CORO2B: variants seen among roughly 807,000 people sequenced by gnomAD.
The protein encoded by CORO2B is coronin-2B.
Under a neutral mutation model 58.8 loss-of-function variants are expected in CORO2B, and 26 were observed. That is an observed-to-expected ratio of 0.44 (90% CI 0.32 to 0.61). The LOEUF is 0.61. CORO2B is among the 20% of genes least tolerant of loss of function. The probability of loss-of-function intolerance (pLI) is 0.04; values close to 1 mark genes in which losing one functional copy is unlikely to be tolerated. For synonymous variants in CORO2B, 242 were observed against 253.8 expected, an observed-to-expected ratio of 0.95 and a Z score of 0.44; for missense variants, 460 against 645.1, an observed-to-expected ratio of 0.71 and a Z score of 3.11.
chr15:68,714,605 C>G lies in CORO2B; in HGVS notation c.812C>G (p.Ser271Cys). The G allele has an allele frequency of 6.2e-7, 1 of 1,614,156 alleles. No individual in the cohort carries two copies. Among genetic ancestry groups the G allele is most frequent in the Non-Finnish European group, 8.5e-7 (1 of 1,180,018 alleles). The stretch of plus-strand genomic sequence containing the variant: ...ATCGAAGAGGAAATTGATGGGCTCT[C>G]TGGCCTCCTGTTCCCCTTCTATGAT... ...PLIEEEIDGL[S>C]GLLFPFYDAD... Residue 271 changes from serine (S) to cysteine (C), a missense_variant, in exon 7 of 12, where the codon TCT becomes TGT. By Grantham distance (112) the Ser-to-Cys change is moderately radical. Around this residue, in one of 2 missense-constraint regions of CORO2B, gnomAD observed 352 missense variants for 543.0 expected, o/e 0.65. Coordinates refer to ENST00000261861, the MANE Select transcript of CORO2B (RefSeq NM_006091.5).
the CORO2B span, among the ~76,000 whole-genome samples, chr15:68,522,878 A>G: frequency 3.3e-5 from 5 of 152,116 alleles, no homozygotes; most frequent in African/African-American, 1.2e-4. Context: ...TGGTCTTGTA[A>G]CTTGGAATAC....
At chr15:68,599,789 G>A (rs1227184482) in intron 1 of CORO2B, among the ~76,000 whole-genome samples, 2 of 152,178 alleles carry the variant, frequency 1.3e-5, no homozygotes, top group Admixed American at 1.3e-4. Flanking sequence ...CCGGACATCC[G>A]GGTCTCATTA....
upstream of CORO2B, among the ~76,000 whole-genome samples, chr15:68,574,827 CTT>C (rs998602013): frequency 2.0e-5 from 3 of 152,204 alleles, no homozygotes; most frequent in Non-Finnish European, 4.4e-5. Flanking sequence ...AGAGCTGACA[CTT>C]GAGCTGGGCT....
At chr15:68,623,586 G>C (rs1358954391) in intron 1 of CORO2B, among the ~76,000 whole-genome samples, 12 of 151,892 alleles carry the variant, frequency 7.9e-5, no homozygotes, top group Admixed American at 7.9e-4. Flanking sequence ...AGTCATCTCA[G>C]GGCAGTGCGG....
chr15:68,692,688 C>T (rs1892411034), intron 2 of CORO2B, among the ~76,000 whole-genome samples: 1 of 148,528 alleles, frequency 6.7e-6, no homozygotes, highest in Non-Finnish European at 1.5e-5. Context: ...GACTGGAGTG[C>T]AGTGGTGTGA....
intron 1 of CORO2B, among the ~76,000 whole-genome samples, chr15:68,618,209 GT>G (rs1900418511): frequency 6.6e-6 from 1 of 152,106 alleles, no homozygotes; most frequent in African/African-American, 2.4e-5. Context: ...CTATTTTCTA[GT>G]CTTTTCTACT....
At chr15:68,713,394 C>T (rs1466445029) in intron 5 of CORO2B, among the ~76,000 whole-genome samples, 1 of 152,190 alleles carries the variant, frequency 6.6e-6, no homozygotes. Context: ...GCAGAGAAGG[C>T]ATCTGTGGAG....
At chr15:68,561,316 T>C in the CORO2B span, among the ~76,000 whole-genome samples, 1 of 152,160 alleles carries the variant, frequency 6.6e-6, no homozygotes, top group Non-Finnish European at 1.5e-5. Flanking sequence ...ATCTGCCATT[T>C]TGGAGCGTTT....
chr15:68,654,041 G>A (rs1306295094), intron 2 of CORO2B, among the ~76,000 whole-genome samples: 1 of 152,186 alleles, frequency 6.6e-6, no homozygotes, highest in Non-Finnish European at 1.5e-5. Context: ...CAGCCTGAAT[G>A]TACAGTAAGT....
chr15:68,527,686 A>G, the CORO2B span, among the ~76,000 whole-genome samples: 1 of 152,210 alleles, frequency 6.6e-6, no homozygotes, highest in South Asian at 2.1e-4. Flanking sequence ...TAAGCTTGAC[A>G]ATTACTTTTA....
At chr15:68,597,718 A>G (rs899191097) in intron 1 of CORO2B, among the ~76,000 whole-genome samples, 2 of 152,200 alleles carry the variant, frequency 1.3e-5, no homozygotes, top group Non-Finnish European at 2.9e-5. Flanking sequence ...CACCAGGGTT[A>G]CTGTGGTGAA....
intron 10 of CORO2B, 26 bp downstream of exon 10, chr15:68,719,260 G>A: frequency 2.3e-5 from 37 of 1,610,202 alleles, no homozygotes; most frequent in Non-Finnish European, 3.1e-5. Context: ...GCTCCACAGA[G>A]CACAGGCGGC....
intron 2 of CORO2B, among the ~76,000 whole-genome samples, chr15:68,680,277 G>A (rs760364527): frequency 6.6e-6 from 1 of 152,190 alleles, no homozygotes; most frequent in Non-Finnish European, 1.5e-5. Context: ...GGTGTAAGAA[G>A]CATGTCTGTA....
intron 1 of CORO2B, among the ~76,000 whole-genome samples, chr15:68,625,158 C>T (rs1900640881): frequency 6.6e-6 from 1 of 152,188 alleles, no homozygotes; most frequent in African/African-American, 2.4e-5. Context: ...GGAAGGACCC[C>T]GTCTTCTCAG....
chr15:68,629,468 A>G (rs1900769510), intron 1 of CORO2B, among the ~76,000 whole-genome samples: 2 of 152,166 alleles, frequency 1.3e-5, no homozygotes, highest in Non-Finnish European at 2.9e-5. Flanking sequence ...GAGGAGAGAG[A>G]CTTTATCCCC....
intron 3 of CORO2B, among the ~76,000 whole-genome samples, chr15:68,701,327 TGA>T (rs1892638948): frequency 6.6e-6 from 1 of 151,560 alleles, no homozygotes; most frequent in African/African-American, 2.4e-5. Flanking sequence ...TTCTTTTTTT[TGA>T]GAGACGGAGG....
rs552957568 is a variant in CORO2B, at chr15:68,598,805, A to G, written c.15+19528A>G. Reference sequence around the variant, plus strand: ...TTGTACAGAAACGCTGCCAAAAGAAAGTTTCTGTTCTGTCCAGACTCTCCT... The same window carrying G: ...TTGTACAGAAACGCTGCCAAAAGAAGGTTTCTGTTCTGTCCAGACTCTCCT... On this transcript the variant is annotated intron_variant, in intron 1 of 11. Coordinates refer to ENST00000261861, the MANE Select transcript of CORO2B (RefSeq NM_006091.5). Among the ~76,000 whole-genome samples the G allele has an allele frequency of 5.3e-5, 8 of 152,274 alleles. No individual in the cohort carries two copies. In the East Asian group the frequency reaches 9.6e-4, roughly 18 times the overall value.
chr15:68,669,374 G>C (rs879909121), intron 2 of CORO2B, among the ~76,000 whole-genome samples: 9 of 152,218 alleles, frequency 5.9e-5, no homozygotes, highest in African/African-American at 9.6e-5. Flanking sequence ...CAGTTGGGCA[G>C]ATTCCCTAAA....
intron 5 of CORO2B, among the ~76,000 whole-genome samples, chr15:68,711,993 A>G (rs1383425933): frequency 2.0e-5 from 3 of 152,170 alleles, no homozygotes; most frequent in Non-Finnish European, 2.9e-5. Context: ...GACACCCTTC[A>G]GTGCATACAT....
Sources: gnomAD v4.1 joint callset for allele counts (sites outside exome capture counted in the v4.1 genomes callset) on GRCh38, gnomAD v4.1.1 for gene constraint, gnomAD v4.1.1 regional missense constraint, MANE v1.5 for transcripts, NCBI Gene and HGNC (gene_info 2026-07-23, HGNC 2026-07-21) for gene names.